The following GFRA1 variants were observed in gnomAD, a reference collection of about 807,000 sequenced individuals.
The protein encoded by GFRA1 is GDNF family receptor alpha-1.
A neutral mutation model predicts 51.6 loss-of-function variants in GFRA1; 16 were observed. The ratio of observed to expected loss-of-function variants is 0.31; its 90% CI spans 0.21 to 0.47. The LOEUF (loss-of-function observed/expected upper bound fraction) is 0.47. Among genes scored for constraint, GFRA1 ranks in the 20% least tolerant of loss-of-function variants. The pLI is 1.00. For synonymous variants in GFRA1, 270 were observed against 241.3 expected (o/e 1.12, Z -1.10); for missense variants, 530 against 594.3 (o/e 0.89, Z 1.13).
chr10:116,214,739 C>T (rs1965443985), intron 4 of GFRA1, among the ~76,000 whole-genome samples: 1 of 152,200 alleles, frequency 6.6e-6, no homozygotes, highest in Non-Finnish European at 1.5e-5. Flanking sequence ...CCTCAACCTC[C>T]TCTGCGTGGT....
chr10:116,160,435 T>C (rs1959636098), intron 5 of GFRA1, among the ~76,000 whole-genome samples: 1 of 152,238 alleles, frequency 6.6e-6, no homozygotes, highest in Admixed American at 6.5e-5. Flanking sequence ...GAAAATGCCC[T>C]GAAGGCAGCA....
rs1284444436 is a variant in GFRA1 at position 116,254,277 on chromosome 10, G to A, written c.418+15226C>T. On this transcript the variant is annotated intron_variant, in intron 4 of 10. Coordinates refer to ENST00000355422, the MANE Select transcript of GFRA1 (RefSeq NM_005264.8). ...GCAGAGGCTGCAGTGAGCCAAGATC[G>A]TGCCACTGCATTCCAGCCTGAGCAA... Among the ~76,000 whole-genome samples the A allele has an allele frequency of 4.8e-5, 7 of 144,770 alleles. No homozygotes were observed. In the South Asian group the frequency reaches 8.7e-4, roughly 18 times the overall value. 95.0% of individuals were successfully genotyped at this position (144,770 alleles called of 152,430 possible). A position where few individuals can be genotyped will look rare whatever the true frequency, so the allele number is the denominator to read the frequency against.
At chr10:116,267,796 C>T (rs1264140879) in intron 4 of GFRA1, among the ~76,000 whole-genome samples, 2 of 152,170 alleles carry the variant, frequency 1.3e-5, no homozygotes, top group Admixed American at 6.5e-5. Context: ...CTGCTTAAAC[C>T]ATTGTCCTGG....
chr10:116,244,796 G>A (rs566450680), intron 4 of GFRA1, among the ~76,000 whole-genome samples: 2 of 152,170 alleles, frequency 1.3e-5, no homozygotes, highest in South Asian at 2.1e-4. Context: ...AGTATTAGAA[G>A]AGGGTAATTG....
rs909718842 is a variant in GFRA1, at chr10:116,245,323, G to A, written c.418+24180C>T. Among the ~76,000 whole-genome samples, 14 of 152,152 alleles carry A rather than the reference G, an allele frequency of 9.2e-5. 1 individual carries two copies. Among genetic ancestry groups the A allele is most frequent in the Admixed American group, 2.0e-4 (3 of 15,280 alleles). ...ATGGCAAATAAGCATATGAAAAGAT[G>A]TTTCACACCATATGCCATGAGGGAC... is the stretch of plus-strand genomic sequence containing the variant. On this transcript the variant is annotated intron_variant, in intron 4 of 10. Coordinates refer to ENST00000355422, the MANE Select transcript of GFRA1 (RefSeq NM_005264.8).
chr10:116,265,671 T>C (rs1969599601), intron 4 of GFRA1, among the ~76,000 whole-genome samples: 1 of 152,172 alleles, frequency 6.6e-6, no homozygotes, highest in South Asian at 2.1e-4. Flanking sequence ...ATGCAGATGC[T>C]AAACAGTGCA....
rs184029998 is a variant in GFRA1 at position 116,259,094 on chromosome 10, C to T, written c.418+10409G>A. Among the ~76,000 whole-genome samples, 149 of 152,274 alleles carry T rather than the reference C, an allele frequency of 9.8e-4. 2 individuals are homozygous for T. The highest frequency in any genetic ancestry group is 2.1e-4 in the Non-Finnish European group (14 of 68,024). ...ATTAATGAAACATTTCATAAACATG[C>T]GCTTTAAGAAAACTGCTGGCCTTCT... On this transcript the variant is annotated intron_variant, in intron 4 of 10. Coordinates refer to ENST00000355422, the MANE Select transcript of GFRA1 (RefSeq NM_005264.8).
intron 6 of GFRA1, among the ~76,000 whole-genome samples, chr10:116,097,468 G>C (rs1053768702): frequency 3.3e-5 from 5 of 152,178 alleles, no homozygotes; most frequent in Non-Finnish European, 5.9e-5. Flanking sequence ...CTCTCCAGGG[G>C]CCGGTGCAGT....
chr10:116,143,130 G>A (rs1374825306), intron 5 of GFRA1, among the ~76,000 whole-genome samples: 1 of 152,106 alleles, frequency 6.6e-6, no homozygotes, highest in Non-Finnish European at 1.5e-5. Flanking sequence ...AGGTGGGGAC[G>A]ATCCCAGCTT....
At chr10:116,144,386 A>G (rs1958703600) in intron 5 of GFRA1, among the ~76,000 whole-genome samples, 3 of 152,274 alleles carry the variant, frequency 2.0e-5, no homozygotes, top group South Asian at 2.1e-4. Flanking sequence ...TTCAAATTCA[A>G]TTCAAGCTAG....
At chr10:116,237,200 G>T (rs1019639194) in intron 4 of GFRA1, among the ~76,000 whole-genome samples, 1 of 152,126 alleles carries the variant, frequency 6.6e-6, no homozygotes, top group Admixed American at 6.6e-5. Flanking sequence ...TATACAAACT[G>T]CTCTGCACTT....
At chr10:116,271,176 C>A in intron 2 of GFRA1, 61 bp from the exon 3 acceptor site, 1 of 1,471,724 alleles carries the variant, frequency 6.8e-7, no homozygotes, top group Non-Finnish European at 9.2e-7. Context: ...CGCCCCTGCT[C>A]CGGGCGAGGG....
chr10:116,130,157 C>T (rs1958048072), intron 5 of GFRA1, among the ~76,000 whole-genome samples: 1 of 150,380 alleles, frequency 6.6e-6, no homozygotes, highest in Non-Finnish European at 1.5e-5. Flanking sequence ...AAAAACACTG[C>T]TAATAAAAAT....
intron 5 of GFRA1, among the ~76,000 whole-genome samples, chr10:116,198,224 G>A (rs1455143040): frequency 1.3e-5 from 2 of 148,904 alleles, no homozygotes; most frequent in African/African-American, 5.0e-5. Context: ...CCTGATGCAG[G>A]ATATTAACTT....
rs1969608033 is a variant in GFRA1 at position 116,265,787 on chromosome 10, T to TG, written c.418+3715dup. Among the ~76,000 whole-genome samples, 3 of 152,104 alleles carry TG rather than the reference T, an allele frequency of 2.0e-5. No individual in the cohort carries two copies. In the South Asian group the frequency reaches 6.2e-4, roughly 32 times the overall value. ...TCCTGCCTCTCCTCCGACATCCTCT[T>TG]GCACCGGCGCACTTTCTCCTGTGTG... On this transcript the variant is annotated intron_variant, in intron 4 of 10. Transcript: ENST00000355422.
intron 5 of GFRA1, among the ~76,000 whole-genome samples, chr10:116,146,253 G>C (rs1454387103): frequency 6.6e-6 from 1 of 151,836 alleles, no homozygotes. Flanking sequence ...ACAATTTAGG[G>C]GACTCTCTTT....
At chr10:116,218,409 T>G (rs1008515247) in intron 4 of GFRA1, among the ~76,000 whole-genome samples, 1 of 152,216 alleles carries the variant, frequency 6.6e-6, no homozygotes, top group Non-Finnish European at 1.5e-5. Context: ...CGGGGTTCTA[T>G]GGAGAATCTG....
Position 116,065,706 on chromosome 10 carries a change from G to A in GFRA1, c.1198-80C>T, listed in dbSNP as rs2133769321. Reference sequence around the variant, plus strand: ...GATGATCCATCAGTCAGCTGTCTAGGGCAATGCTCTCTGATAAATATGTGA... The same window carrying A: ...GATGATCCATCAGTCAGCTGTCTAGAGCAATGCTCTCTGATAAATATGTGA... On this transcript the variant is annotated intron_variant, in intron 9 of 10. Transcript: ENST00000355422. 6.5e-6 allele frequency: 7 copies of A among 1,074,774 alleles called. No individual in the cohort carries two copies. The East Asian group carries it at 1.7e-4, about 26-fold the overall frequency. 66.6% of individuals were successfully genotyped at this position (1,074,774 alleles called of 1,614,324 possible). A position where few individuals can be genotyped will look rare whatever the true frequency, so the allele number is the denominator to read the frequency against.
At chr10:116,076,331 C>G (rs950292066) in intron 9 of GFRA1, among the ~76,000 whole-genome samples, 17 of 152,048 alleles carry the variant, frequency 1.1e-4, no homozygotes, top group African/African-American at 4.1e-4. Context: ...ATGGCAGGCA[C>G]GGACAGCCTT....
Sources: allele counts gnomAD v4.1 joint callset (sites outside exome capture counted in the v4.1 genomes callset), GRCh38; gene constraint gnomAD v4.1.1; transcripts MANE v1.5; gene names NCBI Gene and HGNC (gene_info 2026-07-23, HGNC 2026-07-21).